Variants in FBXL13 observed in about 807,000 individuals in gnomAD.
The protein encoded by FBXL13 is F-box and leucine rich repeat protein 13.
In FBXL13, 67 loss-of-function variants were observed where a neutral mutation model predicts 83.6. The ratio of observed to expected loss-of-function variants is 0.80; its 90% CI spans 0.66 to 0.98. The LOEUF is 0.98. Among genes scored for constraint, FBXL13 ranks in the 50% least tolerant of loss-of-function variants. The probability of loss-of-function intolerance (pLI) is 0.00; values close to 1 mark genes in which losing one functional copy is unlikely to be tolerated. For synonymous variants in FBXL13, 272 were observed against 299.5 expected, an observed-to-expected ratio of 0.91 and a Z score of 0.95; for missense variants, 822 against 866.5, an observed-to-expected ratio of 0.95 and a Z score of 0.64.
At chr7:102,833,436 CTT>C (rs763657766) in intron 17 of FBXL13, among the ~76,000 whole-genome samples, 57 of 134,564 alleles carry the variant, frequency 4.2e-4, no homozygotes, top group African/African-American at 1.1e-3. Flanking sequence ...AGCCTGTTTC[CTT>C]TTTTTTTTTT....
chr7:102,817,633 A>T (rs1798187383), intron 19 of FBXL13, among the ~76,000 whole-genome samples: 1 of 152,124 alleles, frequency 6.6e-6, no homozygotes, highest in Non-Finnish European at 1.5e-5. Flanking sequence ...AAAATGTAGA[A>T]ACTATATTTC....
intron 10 of FBXL13, among the ~76,000 whole-genome samples, chr7:102,917,528 G>A (rs1466992024): frequency 6.6e-6 from 1 of 152,154 alleles, no homozygotes; most frequent in Non-Finnish European, 1.5e-5. Flanking sequence ...GAGACTTAAG[G>A]TGTGAAGGCT....
chr7:103,024,596 T>C (rs1793639133), intron 6 of FBXL13, among the ~76,000 whole-genome samples: 1 of 143,398 alleles, frequency 7.0e-6, no homozygotes, highest in African/African-American at 2.6e-5. Context: ...AAAGCAAACA[T>C]CAAGTGTGGG....
At chr7:103,046,996 G>A (rs371191498) in intron 2 of FBXL13, 6 of 152,138 alleles carry the variant, frequency 3.9e-5, no homozygotes, top group Admixed American at 6.5e-5. Context: ...GATTATCCTC[G>A]GTGAACCATA....
intron 8 of FBXL13, among the ~76,000 whole-genome samples, chr7:102,962,240 CA>C (rs1390953304): frequency 6.6e-6 from 1 of 151,918 alleles, no homozygotes; most frequent in Non-Finnish European, 1.5e-5. Flanking sequence ...AAAAAATGCT[CA>C]TCATCACTGG....
intron 8 of FBXL13, among the ~76,000 whole-genome samples, chr7:102,947,664 G>A (rs999080911): frequency 6.6e-6 from 1 of 151,454 alleles, no homozygotes; most frequent in East Asian, 1.9e-4. Context: ...TCTTTTTTAC[G>A]ACAGACAATA....
chr7:103,067,721 T>C (rs530836469), intron 1 of FBXL13, among the ~76,000 whole-genome samples: 1 of 152,192 alleles, frequency 6.6e-6, no homozygotes, highest in South Asian at 2.1e-4. Context: ...CACTCTGACA[T>C]GTAAGTGCAT....
At chr7:102,852,237 C>G (rs970912438) in intron 17 of FBXL13, among the ~76,000 whole-genome samples, 2 of 152,092 alleles carry the variant, frequency 1.3e-5, no homozygotes, top group East Asian at 3.8e-4. Context: ...AACTAAGAGC[C>G]TGGAGGTGAA....
intron 6 of FBXL13, among the ~76,000 whole-genome samples, chr7:103,013,420 A>C (rs1418022526): frequency 1.3e-5 from 2 of 152,198 alleles, no homozygotes; most frequent in African/African-American, 4.8e-5. Context: ...CCAAAAACCA[A>C]AATCATACCA....
At chr7:102,888,879 T>C (rs2129459917) in intron 11 of FBXL13, among the ~76,000 whole-genome samples, 1 of 152,278 alleles carries the variant, frequency 6.6e-6, no homozygotes, top group East Asian at 1.9e-4. Context: ...GTTTTGAGTC[T>C]GGCTCTACCT....
intron 17 of FBXL13, among the ~76,000 whole-genome samples, chr7:102,851,822 C>A (rs1254825482): frequency 6.6e-6 from 1 of 152,056 alleles, no homozygotes; most frequent in African/African-American, 2.4e-5. Flanking sequence ...ACAATATGTA[C>A]TTTATGACTT....
At chr7:103,003,060 T>C (rs1299635478) in intron 6 of FBXL13, among the ~76,000 whole-genome samples, 1 of 152,142 alleles carries the variant, frequency 6.6e-6, no homozygotes, top group Admixed American at 6.5e-5. Context: ...GGTTATTCTC[T>C]ATATCTTGTA....
At chr7:103,053,214 G>A (rs1000148890) in intron 2 of FBXL13, among the ~76,000 whole-genome samples, 10 of 151,688 alleles carry the variant, frequency 6.6e-5, no homozygotes, top group South Asian at 2.1e-4. Context: ...GCACAGTGGC[G>A]CAATCTTGGC....
chr7:102,989,789 A>C (rs1463175570), intron 6 of FBXL13, among the ~76,000 whole-genome samples: 1 of 152,254 alleles, frequency 6.6e-6, no homozygotes, highest in African/African-American at 2.4e-5. Context: ...CCAAACTCAG[A>C]TACGGAAGAG....
intron 2 of FBXL13, among the ~76,000 whole-genome samples, chr7:103,042,325 G>A (rs1189224260): frequency 6.6e-6 from 1 of 152,094 alleles, no homozygotes; most frequent in Non-Finnish European, 1.5e-5. Context: ...AATAAAAGAG[G>A]ACACAAACAA....
At chr7:102,985,716 AC>A (rs1322584648) in intron 6 of FBXL13, among the ~76,000 whole-genome samples, 1 of 152,212 alleles carries the variant, frequency 6.6e-6, no homozygotes, top group Non-Finnish European at 1.5e-5. Context: ...ATAAGGCAGA[AC>A]ATCCAGTCAG....
chr7:102,845,692 C>T (rs1803812222), intron 17 of FBXL13, among the ~76,000 whole-genome samples: 1 of 152,212 alleles, frequency 6.6e-6, no homozygotes. Flanking sequence ...CTCCCTGTTA[C>T]TTCCCTTGTT....
intron 11 of FBXL13, among the ~76,000 whole-genome samples, chr7:102,909,390 C>T (rs1100047): frequency 0.028 from 4,295 of 152,152 alleles, 219 homozygotes; most frequent in African/African-American, 0.098. Context: ...GGTGCTCTAC[C>T]CTCCTGTGGC....
At position 102,992,063 on chromosome 7, in the gene FBXL13, T is replaced by C. The variant is rs148392460; in HGVS notation, c.496-23946A>G. Among the ~76,000 whole-genome samples the C allele has an allele frequency of 4.7e-3, 714 of 152,298 alleles. 2 individuals carry two copies. Among genetic ancestry groups the C allele is most frequent in the African/African-American group, 0.016 (673 of 41,556 alleles). On this transcript the variant is annotated intron_variant, in intron 6 of 19. Transcript: ENST00000313221. ...TGGGTCCTTTTTTTTAATTTCCCAC[T>C]GATACTATCCTAATGCTCTTAGAGA...
Sources: allele counts gnomAD v4.1 joint callset (sites outside exome capture counted in the v4.1 genomes callset), GRCh38; gene constraint gnomAD v4.1.1; transcripts MANE v1.5; gene names NCBI Gene and HGNC (gene_info 2026-07-23, HGNC 2026-07-21).